TJP2: variants seen among roughly 807,000 people sequenced by gnomAD.
TJP2 encodes the protein tight junction protein 2.
Under a neutral mutation model 133.1 loss-of-function variants are expected in TJP2, and 91 were observed. The ratio of observed to expected loss-of-function variants is 0.68; its 90% CI spans 0.58 to 0.81. The LOEUF is 0.81. Among genes scored for constraint, TJP2 ranks in the 40% least tolerant of loss-of-function variants. The probability of loss-of-function intolerance (pLI) is 0.00; values close to 1 mark genes in which losing one functional copy is unlikely to be tolerated. For synonymous variants in TJP2, 592 were observed against 583.4 expected (o/e 1.01, Z -0.21); for missense variants, 1,541 against 1,565.6 (o/e 0.98, Z 0.26).
intron 19 of TJP2, 112 bp downstream of exon 19, chr9:69,248,336 C>T: frequency 7.5e-6 from 11 of 1,464,378 alleles, no homozygotes; most frequent in Non-Finnish European, 1.0e-5. Context: ...AGGGTTGGAG[C>T]AGATGACTTC....
intron 17 of TJP2, 182 bp from the exon 18 acceptor site, chr9:69,246,508 A>G: frequency 1.6e-6 from 1 of 637,698 alleles, no homozygotes; most frequent in Non-Finnish European, 2.8e-6. Flanking sequence ...AAACAGCTAC[A>G]TGATTAGTAG....
At chr9:69,228,595 T>C (rs1301968531) in intron 9 of TJP2, among the ~76,000 whole-genome samples, 4 of 152,216 alleles carry the variant, frequency 2.6e-5, no homozygotes, top group African/African-American at 9.6e-5. Context: ...TATACAGATA[T>C]GTATGTACAT....
rs57114714 is a variant in TJP2, at chr9:69,223,069, G to GAAAAAAAAA, written c.952+1587_952+1595dup. ...GGGTGACAGAGCGAGACTCTGTCTTGAAAAAAAAAAAAAAAAAAAAAAGAA... is the reference window on the plus strand; with the variant it reads ...GGGTGACAGAGCGAGACTCTGTCTTGAAAAAAAAAAAAAAAAAAAAAAAAAAAAAAAGAA... On this transcript the variant is annotated intron_variant, in intron 5 of 22. Coordinates refer to ENST00000377245, the MANE Select transcript of TJP2 (RefSeq NM_004817.4). Among the ~76,000 whole-genome samples the GAAAAAAAAA allele has an allele frequency of 8.5e-4, 97 of 114,092 alleles. 1 individual carries two copies. Among genetic ancestry groups the GAAAAAAAAA allele is most frequent in the African/African-American group, 2.8e-3 (92 of 32,664 alleles). The allele number at this position is 114,092 out of a possible 152,430, so 74.8% of individuals were successfully genotyped here. A position where few individuals can be genotyped will look rare whatever the true frequency, so the allele number is the denominator to read the frequency against.
rs1008781097 is a variant in TJP2, at chr9:69,226,077, A to G, written c.1112A>G (p.Glu371Gly). 3.1e-6 allele frequency: 5 copies of G among 1,614,210 alleles called. No homozygotes were observed. Among genetic ancestry groups the G allele is most frequent in the Non-Finnish European group, 4.2e-6 (5 of 1,180,038 alleles). Residue 371 changes from glutamate (E) to glycine (G), a missense_variant, in exon 7 of 23, where the codon GAA becomes GGA. By Grantham distance (98) the Glu-to-Gly change is moderately conservative (BLOSUM62 -2). Coordinates refer to ENST00000377245, the MANE Select transcript of TJP2 (RefSeq NM_004817.4). ...MSLTDARKLI[E>G]KSRGKLQLVV... ...TTAACGGATGCTCGAAAATTGATAG[A>G]AAAGTCAAGAGGAAAACTACAGCTA...
intron 1 of TJP2, among the ~76,000 whole-genome samples, chr9:69,182,105 C>T (rs1564410308): frequency 6.6e-6 from 1 of 152,206 alleles, no homozygotes; most frequent in Non-Finnish European, 1.5e-5. Flanking sequence ...GAAGATGAGC[C>T]TACTGGTCAC....
At chr9:69,227,686 A>G in intron 7 of TJP2, 79 bp from the exon 8 acceptor site, 1 of 1,008,752 alleles carries the variant, frequency 9.9e-7, no homozygotes, top group Non-Finnish European at 1.5e-6. Context: ...TTTCCTACCC[A>G]GAGAATAGTG....
chr9:69,191,186 C>A (rs1826181691), intron 1 of TJP2, among the ~76,000 whole-genome samples: 1 of 152,160 alleles, frequency 6.6e-6, no homozygotes, highest in South Asian at 2.1e-4. Context: ...ATAACAAGGG[C>A]CACTTGAGAA....
intron 2 of TJP2, chr9:69,151,799 C>G: frequency 8.1e-7 from 1 of 1,232,062 alleles, no homozygotes; most frequent in Non-Finnish European, 1.0e-6. Flanking sequence ...CTCTCATCAA[C>G]CTAGTTACTG....
chr9:69,122,257 G>GA, intron 1 of TJP2: 1 of 152,426 alleles, frequency 6.6e-6, no homozygotes, highest in Middle Eastern at 3.4e-3. Flanking sequence ...GTGGGGGCAG[G>GA]AGCCGGTGCC....
chr9:69,235,950 T>G (rs1033606945), intron 12 of TJP2, 78 bp from the exon 13 acceptor site: 3 of 1,342,142 alleles, frequency 2.2e-6, no homozygotes, highest in Non-Finnish European at 3.2e-6. Flanking sequence ...AGATCAGAGA[T>G]AGGAGAAGCT....
At chr9:69,220,064 C>T (rs1175320785) in intron 4 of TJP2, among the ~76,000 whole-genome samples, 5 of 152,246 alleles carry the variant, frequency 3.3e-5, no homozygotes, top group East Asian at 3.9e-4. Context: ...GCACGAGAAT[C>T]GCTTGAACCT....
Position 69,221,277 on chromosome 9 carries a change from A to G in TJP2, c.733A>G (p.Ile245Val), listed in dbSNP as rs1050845886. Residue 245 changes from isoleucine to valine, a missense_variant, in exon 5 of 23, where the codon ATT becomes GTT. Coordinates refer to ENST00000377245, the MANE Select transcript of TJP2 (RefSeq NM_004817.4). ...CCGTGACCGCAGCCGCGGCCGGAGC[A>G]TTGACCAGGACTACGAGCGAGCCTA... ...RDRDRSRGRS[I>V]DQDYERAYHR... 2 of 1,608,176 alleles carry G rather than the reference A, an allele frequency of 1.2e-6. No homozygotes were observed. Among genetic ancestry groups the G allele is most frequent in the African/African-American group, 1.3e-5 (1 of 74,774 alleles).
intron 1 of TJP2, among the ~76,000 whole-genome samples, chr9:69,195,827 T>A (rs1826520933): frequency 6.6e-6 from 1 of 152,198 alleles, no homozygotes; most frequent in African/African-American, 2.4e-5. Flanking sequence ...TGCAGAAGAC[T>A]TATTGGGCTG....
intron 1 of TJP2, among the ~76,000 whole-genome samples, chr9:69,138,245 C>T (rs1432957155): frequency 6.6e-6 from 1 of 152,170 alleles, no homozygotes; most frequent in Non-Finnish European, 1.5e-5. Flanking sequence ...GTTTTAGCTT[C>T]TTCCTCTTGA....
intron 1 of TJP2, among the ~76,000 whole-genome samples, chr9:69,182,422 C>T (rs962626678): frequency 6.6e-6 from 1 of 152,164 alleles, no homozygotes; most frequent in Admixed American, 6.5e-5. Flanking sequence ...CCCAAGTTTG[C>T]AACACATTGA....
intron 1 of TJP2, among the ~76,000 whole-genome samples, chr9:69,184,310 C>T (rs1006657042): frequency 6.6e-6 from 1 of 152,046 alleles, no homozygotes; most frequent in Non-Finnish European, 1.5e-5. Context: ...TCTGATTTGC[C>T]GCAAAAAAAG....
chr9:69,121,325 G>T (rs1381420739), upstream of TJP2: 3 of 985,026 alleles, frequency 3.0e-6, no homozygotes, highest in East Asian at 2.3e-4. Context: ...TCTCCCTCCC[G>T]GGGCTCGCGC....
chr9:69,227,997 C>T lies in TJP2; in HGVS notation c.1336C>T (p.Pro446Ser). 11 of 1,614,150 alleles carry T rather than the reference C, an allele frequency of 6.8e-6. No individual in the cohort carries two copies. The highest frequency in any genetic ancestry group is 9.3e-6 in the Non-Finnish European group (11 of 1,180,034). Residue 446 changes from proline to serine, a missense_variant, in exon 9 of 23, where the codon CCG becomes TCG. Coordinates refer to ENST00000377245, the MANE Select transcript of TJP2 (RefSeq NM_004817.4). ...GTGATTCAGTTCCAGAGAGGACACG[C>T]CGAGCAGATTGTCCAGGATGGGTGC... ...KERPSSREDT[P>S]SRLSRMGATP... is the part of the protein sequence containing the mutation.
chr9:69,236,308 C>T, intron 13 of TJP2, 70 bp downstream of exon 13: 3 of 1,509,864 alleles, frequency 2.0e-6, no homozygotes, highest in Non-Finnish European at 2.7e-6. Context: ...GACCGCCCCC[C>T]TTCCCCCGTA....
Sources: allele counts gnomAD v4.1 joint callset (sites outside exome capture counted in the v4.1 genomes callset), GRCh38; gene constraint gnomAD v4.1.1; transcripts MANE v1.5; gene names NCBI Gene and HGNC (gene_info 2026-07-23, HGNC 2026-07-21).